Variants in SPAG1 observed in about 807,000 individuals in gnomAD.
SPAG1 encodes sperm-associated antigen 1.
SPAG1 carries 69 observed loss-of-function variants against 100.5 expected under a neutral mutation model. The ratio of observed to expected loss-of-function variants is 0.69; its 90% CI spans 0.57 to 0.84. The LOEUF (loss-of-function observed/expected upper bound fraction) is 0.84, where lower values mean the gene tolerates loss of function less well. Among genes scored for constraint, SPAG1 ranks in the 40% least tolerant of loss-of-function variants. The pLI is 0.00. For missense variants in SPAG1, 955 were observed against 1,133.1 expected (o/e 0.84, Z 2.26); for synonymous variants, 336 against 411.6 (o/e 0.82, Z 2.22).
chr8:100,190,477 G>A (rs548820848), intron 8 of SPAG1, among the ~76,000 whole-genome samples: 3 of 151,642 alleles, frequency 2.0e-5, no homozygotes, highest in East Asian at 3.9e-4. Context: ...ACATTGAAAC[G>A]TACCCAAAAA....
intron 1 of SPAG1, 85 bp from the exon 2 acceptor site, chr8:100,162,194 C>CA: frequency 8.8e-7 from 1 of 1,141,310 alleles, no homozygotes; most frequent in Non-Finnish European, 1.2e-6. Flanking sequence ...CAAAAAAATA[C>CA]AAAGAAGTAC....
chr8:100,224,547 C>T (rs1157366382), intron 13 of SPAG1, among the ~76,000 whole-genome samples: 3 of 151,854 alleles, frequency 2.0e-5, no homozygotes, highest in Admixed American at 6.6e-5. Context: ...ATCTCAAAAA[C>T]AAAACAAACA....
At chr8:100,183,464 T>A in intron 5 of SPAG1, 28 bp downstream of exon 5, 1 of 1,172,966 alleles carries the variant, frequency 8.5e-7, no homozygotes, top group South Asian at 1.4e-5. Flanking sequence ...TTATATAAAA[T>A]GTATCACTAA....
intron 16 of SPAG1, among the ~76,000 whole-genome samples, chr8:100,236,537 TG>T (rs1819015006): frequency 6.6e-6 from 1 of 152,210 alleles, no homozygotes; most frequent in African/African-American, 2.4e-5. Flanking sequence ...AATGAGGAAG[TG>T]GCACAGGGGC....
At chr8:100,238,697 G>T (rs1225851373) in intron 16 of SPAG1, among the ~76,000 whole-genome samples, 2 of 152,200 alleles carry the variant, frequency 1.3e-5, no homozygotes, top group African/African-American at 4.8e-5. Context: ...AAACAACCTG[G>T]AAGGATTTTA....
At chr8:100,198,756 G>T (rs1817140679) in intron 10 of SPAG1, among the ~76,000 whole-genome samples, 1 of 152,074 alleles carries the variant, frequency 6.6e-6, no homozygotes, top group Admixed American at 6.6e-5. Flanking sequence ...ATCCCCAAAA[G>T]AAATTCTATA....
Position 100,240,523 on chromosome 8 carries a change from G to A in SPAG1, c.2401G>A (p.Ala801Thr). The A allele has an allele frequency of 1.9e-6, 3 of 1,614,128 alleles. No homozygotes were observed. In the African/African-American group the frequency reaches 4.0e-5, roughly 22 times the overall value. Residue 801 changes from alanine to threonine, a missense_variant, in exon 18 of 19, where the codon GCC becomes ACC. Ala to Thr is a moderately conservative substitution (Grantham distance 58). Coordinates refer to ENST00000388798, the MANE Select transcript of SPAG1 (RefSeq NM_003114.5). ...SPEDPEKLPI[A>T]KPNNAYEFGQ... is the part of the protein sequence containing the mutation. ...AGAAGACCCTGAGAAACTTCCGATA[G>A]CCAAGCCTAATAATGCCTATGAATT...
rs533546452 is a variant in SPAG1 at position 100,239,747 on chromosome 8, T to C, written c.2280+343T>C. Reference sequence around the variant, plus strand: ...TGGAGAATCCTGACGGGACTGATTTTGTTACAGGGGCCCTGAAAGCCTCAC... The same window carrying C: ...TGGAGAATCCTGACGGGACTGATTTCGTTACAGGGGCCCTGAAAGCCTCAC... On this transcript the variant is annotated intron_variant, in intron 17 of 18. Transcript: ENST00000388798. The surrounding 1 kb of genome is among the most constrained non-coding windows in gnomAD (Gnocchi z 5.0). Among the ~76,000 whole-genome samples the C allele has an allele frequency of 1.3e-5, 2 of 152,346 alleles. No homozygotes were observed. The highest frequency in any genetic ancestry group is 2.9e-5 in the Non-Finnish European group (2 of 68,036).
At chr8:100,186,476 C>T (rs1816595265) in intron 7 of SPAG1, among the ~76,000 whole-genome samples, 1 of 151,804 alleles carries the variant, frequency 6.6e-6, no homozygotes, top group Non-Finnish European at 1.5e-5. Flanking sequence ...TTTTTTATTC[C>T]AGTAACTAAA....
At chr8:100,213,508 C>A in intron 11 of SPAG1, 80 bp downstream of exon 11, 1 of 1,106,948 alleles carries the variant, frequency 9.0e-7, no homozygotes, top group Non-Finnish European at 1.2e-6. Context: ...GTGGGAGAGG[C>A]GCTGCCGCCT....
intron 7 of SPAG1, among the ~76,000 whole-genome samples, chr8:100,185,931 T>G (rs1816565696): frequency 6.6e-6 from 1 of 152,174 alleles, no homozygotes; most frequent in Non-Finnish European, 1.5e-5. Context: ...TACCAGAGAT[T>G]CTCTTGTCTA....
Position 100,174,351 on chromosome 8 carries a change from A to G in SPAG1, c.301-3465A>G, listed in dbSNP as rs1816010927. On this transcript the variant is annotated intron_variant, in intron 3 of 18. Transcript: ENST00000388798. The stretch of plus-strand genomic sequence containing the variant: ...ATGTATTAAGTGGAAGTGGATCATC[A>G]TAAAGGTCTTTATCCTCGTCATCAT... Among the ~76,000 whole-genome samples, 5 of 152,354 alleles carry G rather than the reference A, an allele frequency of 3.3e-5. No individual in the cohort carries two copies. The South Asian group carries it at 1.0e-3, about 32-fold the overall frequency.
At chr8:100,235,565 A>G (rs893336958) in intron 16 of SPAG1, among the ~76,000 whole-genome samples, 1 of 152,030 alleles carries the variant, frequency 6.6e-6, no homozygotes, top group Non-Finnish European at 1.5e-5. Flanking sequence ...GTTTTGACTG[A>G]TTGAGTCTGA....
intron 13 of SPAG1, among the ~76,000 whole-genome samples, chr8:100,220,945 C>T (rs1265740495): frequency 1.3e-5 from 2 of 151,932 alleles, no homozygotes; most frequent in East Asian, 1.9e-4. Flanking sequence ...TGGTGGCGGG[C>T]GCCTGTAATC....
At chr8:100,228,148 T>C (rs971390206) in intron 14 of SPAG1, among the ~76,000 whole-genome samples, 7 of 152,138 alleles carry the variant, frequency 4.6e-5, no homozygotes, top group Admixed American at 6.5e-5. Flanking sequence ...CTATGTGAGA[T>C]CTTTTGAAAC....
chr8:100,209,711 T>G (rs966966607), intron 10 of SPAG1, among the ~76,000 whole-genome samples: 7 of 152,138 alleles, frequency 4.6e-5, no homozygotes, highest in African/African-American at 1.7e-4. Context: ...ATCTCCTTGG[T>G]TAAATTTATT....
chr8:100,214,696 C>T (rs943966309), intron 12 of SPAG1, among the ~76,000 whole-genome samples: 2 of 151,948 alleles, frequency 1.3e-5, no homozygotes, highest in African/African-American at 4.8e-5. Context: ...GGCACAGTGG[C>T]TCATGGCCAG....
chr8:100,200,777 C>T (rs1817243178), intron 10 of SPAG1, among the ~76,000 whole-genome samples: 2 of 145,478 alleles, frequency 1.4e-5, no homozygotes, highest in African/African-American at 4.9e-5. Flanking sequence ...ATCCTTTGCC[C>T]ACTTTTTGAT....
rs71274959 is a variant in SPAG1, at chr8:100,169,984, G to GAA, written c.300+4020_300+4021dup. ...GAAATCTTACTGTAATAAGAGGCTGGAAAAAAAAAAGAGACTGGAGGTAGT... is the reference window on the plus strand; with the variant it reads ...GAAATCTTACTGTAATAAGAGGCTGGAAAAAAAAAAAAGAGACTGGAGGTAGT... On this transcript the variant is annotated intron_variant, in intron 3 of 18. Coordinates refer to ENST00000388798, the MANE Select transcript of SPAG1 (RefSeq NM_003114.5). Among the ~76,000 whole-genome samples, 508 of 148,358 alleles carry GAA rather than the reference G, an allele frequency of 3.4e-3. 1 individual carries two copies. The highest frequency in any genetic ancestry group is 7.1e-3 in the African/African-American group (290 of 40,638).
Sources: gnomAD v4.1 joint callset for allele counts (sites outside exome capture counted in the v4.1 genomes callset) on GRCh38, gnomAD v4.1.1 for gene constraint, Gnocchi (gnomAD v3.1) non-coding constraint, MANE v1.5 for transcripts, NCBI Gene and HGNC (gene_info 2026-07-23, HGNC 2026-07-21) for gene names.